DRD2: variants seen among roughly 807,000 people sequenced by gnomAD.
DRD2 encodes the protein D(2) dopamine receptor.
DRD2 carries 8 observed loss-of-function variants against 38.0 expected under a neutral mutation model. The ratio of observed to expected loss-of-function variants is 0.21; its 90% CI spans 0.12 to 0.38. The LOEUF is 0.38. DRD2 is among the 10% of genes least tolerant of loss of function. DRD2 has a pLI of 1.00. For missense variants in DRD2, 403 were observed against 607.7 expected (o/e 0.66, Z 3.54); for synonymous variants, 230 against 238.6 (o/e 0.96, Z 0.33).
rs1427983562 is a variant in DRD2, at chr11:113,418,146, A to C, written c.286-10T>G. 8 of 1,608,644 alleles carry C rather than the reference A, an allele frequency of 5.0e-6. No individual in the cohort carries two copies. The highest frequency in any genetic ancestry group is 6.0e-6 in the Non-Finnish European group (7 of 1,175,056). ...TCCACTCACCTACCACCTGGGGACA[A>C]AGCAACATAATGGATGGACAGCAGG... On this transcript the variant is annotated splice_polypyrimidine_tract_variant and intron_variant, in intron 2 of 7. Coordinates refer to ENST00000362072, the MANE Select transcript of DRD2 (RefSeq NM_000795.4).
At chr11:113,433,429 GAT>G (rs1312590425) in intron 1 of DRD2, among the ~76,000 whole-genome samples, 2 of 152,170 alleles carry the variant, frequency 1.3e-5, no homozygotes, top group African/African-American at 4.8e-5. Flanking sequence ...TAGGCTGGGG[GAT>G]ACCCGTTAGT....
At chr11:113,416,813 G>A (rs1372333650) in intron 4 of DRD2, 50 bp downstream of exon 4, 1 of 1,605,054 alleles carries the variant, frequency 6.2e-7, no homozygotes, top group Non-Finnish European at 8.5e-7. Context: ...CTTCGAGGGA[G>A]CAGGGGCCCA....
intron 1 of DRD2, among the ~76,000 whole-genome samples, chr11:113,446,515 G>C (rs1434697459): frequency 6.6e-6 from 1 of 152,246 alleles, no homozygotes; most frequent in Non-Finnish European, 1.5e-5. Context: ...GGCCAAGGGA[G>C]TTCCTTTAAT....
At chr11:113,443,823 A>G (rs146260788) in intron 1 of DRD2, among the ~76,000 whole-genome samples, 44 of 152,342 alleles carry the variant, frequency 2.9e-4, no homozygotes, top group Non-Finnish European at 5.4e-4. Flanking sequence ...CAAACAAACA[A>G]AAAACCTAAC....
intron 1 of DRD2, among the ~76,000 whole-genome samples, chr11:113,438,885 G>A (rs1298093463): frequency 6.6e-6 from 1 of 152,196 alleles, no homozygotes; most frequent in Non-Finnish European, 1.5e-5. Context: ...TTGTCTCACT[G>A]TGTGGATGTC....
intron 1 of DRD2, among the ~76,000 whole-genome samples, chr11:113,463,817 A>G (rs2119974301): frequency 6.6e-6 from 1 of 152,298 alleles, no homozygotes; most frequent in East Asian, 1.9e-4. Flanking sequence ...TATGCTAGAG[A>G]AATACAGAAG....
At chr11:113,439,104 G>T (rs1951063623) in intron 1 of DRD2, among the ~76,000 whole-genome samples, 1 of 152,158 alleles carries the variant, frequency 6.6e-6, no homozygotes, top group South Asian at 2.1e-4. Context: ...TCTCACTCAG[G>T]AGCATGTAGT....
At chr11:113,417,984 G>A (rs1289057562) in intron 3 of DRD2, 43 bp downstream of exon 3, 1 of 1,535,324 alleles carries the variant, frequency 6.5e-7, no homozygotes, top group East Asian at 2.3e-5. Flanking sequence ...CAGCCAGAAT[G>A]GTGAGTGGCC....
At chr11:113,441,948 CAAAA>C (rs779962309) in intron 1 of DRD2, among the ~76,000 whole-genome samples, 1 of 95,128 alleles carries the variant, frequency 1.1e-5, no homozygotes. Context: ...ACTCTGTCTC[CAAAA>C]AAAAAAAAAA....
chr11:113,418,557 G>A (rs80310688), intron 2 of DRD2, among the ~76,000 whole-genome samples: 4,246 of 152,218 alleles, frequency 0.028, 82 homozygotes, highest in Non-Finnish European at 0.044. Context: ...GAGCCTCACA[G>A]ACCCAGAGAG....
intron 1 of DRD2, among the ~76,000 whole-genome samples, chr11:113,463,123 C>T (rs1394759933): frequency 6.6e-6 from 1 of 152,198 alleles, no homozygotes; most frequent in East Asian, 1.9e-4. Flanking sequence ...AAAGTGAACC[C>T]CTCAAAATAC....
chr11:113,447,489 A>AAG (rs1197057707), intron 1 of DRD2: 1 of 151,148 alleles, frequency 6.6e-6, no homozygotes, highest in Non-Finnish European at 1.5e-5. Context: ...AAAAAAAAAA[A>AAG]GGAGAGAAAG....
chr11:113,458,859 A>G (rs1422955185), intron 1 of DRD2, among the ~76,000 whole-genome samples: 1 of 152,212 alleles, frequency 6.6e-6, no homozygotes, highest in African/African-American at 2.4e-5. Flanking sequence ...ACCAAGGGCA[A>G]GATCTTATGT....
intron 1 of DRD2, among the ~76,000 whole-genome samples, chr11:113,437,601 A>G (rs1417766616): frequency 6.6e-6 from 1 of 152,154 alleles, no homozygotes. Context: ...TCTCCAGGAC[A>G]TGGGGCTACT....
At chr11:113,448,243 G>A (rs915832631) in intron 1 of DRD2, among the ~76,000 whole-genome samples, 1 of 152,192 alleles carries the variant, frequency 6.6e-6, no homozygotes, top group African/African-American at 2.4e-5. Flanking sequence ...CCATAGGCCA[G>A]TAGAGCACCC....
intron 6 of DRD2, 85 bp downstream of exon 6, chr11:113,414,290 A>G (rs1420814568): frequency 7.5e-7 from 1 of 1,327,114 alleles, no homozygotes; most frequent in Admixed American, 1.7e-5. Flanking sequence ...CCCATTGGCC[A>G]GCTTCTGAGG....
intron 4 of DRD2, among the ~76,000 whole-genome samples, chr11:113,416,632 C>T (rs1487376406): frequency 5.3e-5 from 8 of 152,224 alleles, no homozygotes; most frequent in Admixed American, 4.6e-4. Flanking sequence ...ATCCCCACTC[C>T]TCATCCAACT....
At chr11:113,471,780 A>G (rs1951429050) in intron 1 of DRD2, among the ~76,000 whole-genome samples, 1 of 152,212 alleles carries the variant, frequency 6.6e-6, no homozygotes, top group South Asian at 2.1e-4. Flanking sequence ...CCCTGTTTGG[A>G]GTCAGGGGCA....
chr11:113,462,631 T>C (rs147155572), intron 1 of DRD2, among the ~76,000 whole-genome samples: 3 of 152,322 alleles, frequency 2.0e-5, no homozygotes, highest in Non-Finnish European at 2.9e-5. Flanking sequence ...TCATGCTCCA[T>C]GCAGGAGCAG....
Sources: allele counts gnomAD v4.1 joint callset (sites outside exome capture counted in the v4.1 genomes callset), GRCh38; gene constraint gnomAD v4.1.1; transcripts MANE v1.5; gene names NCBI Gene and HGNC (gene_info 2026-07-23, HGNC 2026-07-21).